TTC9: variants seen among roughly 807,000 people sequenced by gnomAD.
TTC9 encodes tetratricopeptide repeat protein 9A.
TTC9 carries 13 observed loss-of-function variants against 22.9 expected under a neutral mutation model. The observed-to-expected ratio is 0.57, with a 90% CI of 0.37 to 0.90. The LOEUF is 0.90. TTC9 is among the 40% of genes least tolerant of loss of function. The pLI is 0.01. For missense variants in TTC9, 280 were observed against 291.8 expected (o/e 0.96, Z 0.29); for synonymous variants, 148 against 133.2 (o/e 1.11, Z -0.77).
chr14:70,642,656 A>C, intron 1 of TTC9, 121 bp downstream of exon 1: 2 of 971,848 alleles, frequency 2.1e-6, no homozygotes, highest in Non-Finnish European at 2.9e-6. Flanking sequence ...TCTGGGGAGA[A>C]CCCGGGAGGG....
intron 1 of TTC9, among the ~76,000 whole-genome samples, chr14:70,651,214 T>C (rs1885980588): frequency 6.6e-6 from 1 of 152,252 alleles, no homozygotes; most frequent in South Asian, 2.1e-4. Context: ...ACTCCCAGCC[T>C]CAAGTGATCC....
rs575770780 is a variant in TTC9 at position 70,651,046 on chromosome 14, T to C, written c.406+8511T>C. On this transcript the variant is annotated intron_variant, in intron 1 of 2. Coordinates refer to ENST00000256367, the MANE Select transcript of TTC9 (RefSeq NM_015351.2). ...CCAGGCTGGAGTGTAAGTAGCACGT[T>C]ATCAGCTCACTGCAACCTCTGCCAC... 5.8e-4 allele frequency among the ~76,000 whole-genome samples: 88 copies of C among 152,314 alleles called. 1 individual carries two copies. Among genetic ancestry groups the C allele is most frequent in the Middle Eastern group, 3.4e-3 (1 of 294 alleles).
chr14:70,661,827 G>A (rs1205238), intron 1 of TTC9, among the ~76,000 whole-genome samples: 143,198 of 152,252 alleles, frequency 0.94, 67,435 homozygotes, highest in Non-Finnish European at 0.97. Context: ...AATTCTTTTC[G>A]TAAGATCACA....
chr14:70,660,098 A>G (rs1466945481), intron 1 of TTC9, among the ~76,000 whole-genome samples: 1 of 152,228 alleles, frequency 6.6e-6, no homozygotes, highest in East Asian at 1.9e-4. Flanking sequence ...GTGCAGGGCC[A>G]TATTCTCTTG....
chr14:70,668,290 A>G (rs1886243160), intron 2 of TTC9, among the ~76,000 whole-genome samples: 2 of 152,194 alleles, frequency 1.3e-5, no homozygotes, highest in Admixed American at 1.3e-4. Flanking sequence ...CATTCCACAG[A>G]TATTTATTGA....
At chr14:70,655,323 G>GGCGGAGGTT (rs1886047531) in intron 1 of TTC9, among the ~76,000 whole-genome samples, 1 of 152,128 alleles carries the variant, frequency 6.6e-6, no homozygotes, top group Admixed American at 6.5e-5. Context: ...GAACCTGGGA[G>GGCGGAGGTT]GCGGAGGTTG....
intron 1 of TTC9, among the ~76,000 whole-genome samples, chr14:70,651,626 A>G (rs1885985936): frequency 6.6e-6 from 1 of 152,178 alleles, no homozygotes; most frequent in South Asian, 2.1e-4. Context: ...GCAGCATGGT[A>G]CCCCACAGAG....
rs752947816 is a variant in TTC9, at chr14:70,642,404, C to G, written c.275C>G (p.Pro92Arg). The change falls in exon 1 of 3, where the codon CCG becomes CGG. Residue 92 changes from proline (P) to arginine (R), a missense_variant. Pro to Arg is a moderately radical substitution (Grantham distance 103). This residue lies in a region of TTC9 where 165 missense variants were observed against 145.4 expected (regional missense o/e 1.14). Coordinates refer to ENST00000256367, the MANE Select transcript of TTC9 (RefSeq NM_015351.2). The part of the protein sequence containing the change: ...RALLELKGLL[P>R]PPGERERDSR... Reference sequence around the variant, plus strand: ...TTGCTGGAGCTGAAGGGGCTGCTGCCGCCCCCCGGGGAACGGGAGCGGGAC... The same window carrying G: ...TTGCTGGAGCTGAAGGGGCTGCTGCGGCCCCCCGGGGAACGGGAGCGGGAC... 2 of 1,599,586 alleles carry G rather than the reference C, an allele frequency of 1.3e-6. No homozygotes were observed. The highest frequency in any genetic ancestry group is 2.3e-5 in the South Asian group (2 of 88,838).
At chr14:70,655,576 T>C (rs1886053122) in intron 1 of TTC9, among the ~76,000 whole-genome samples, 1 of 152,108 alleles carries the variant, frequency 6.6e-6, no homozygotes, top group Non-Finnish European at 1.5e-5. Context: ...CCTTTCCCAG[T>C]GTATTTAGGA....
At chr14:70,659,518 G>GA (rs1222252280) in intron 1 of TTC9, among the ~76,000 whole-genome samples, 2 of 152,084 alleles carry the variant, frequency 1.3e-5, no homozygotes, top group African/African-American at 4.8e-5. Flanking sequence ...TAGAACTTAG[G>GA]AAAAAAAGCA....
chr14:70,654,312 C>T (rs147720244), intron 1 of TTC9, among the ~76,000 whole-genome samples: 3 of 152,000 alleles, frequency 2.0e-5, no homozygotes, highest in East Asian at 1.9e-4. Context: ...AGTTTCTGCC[C>T]GGGAGTGGTG....
chr14:70,645,326 A>G (rs1359946782), intron 1 of TTC9, among the ~76,000 whole-genome samples: 6 of 152,216 alleles, frequency 3.9e-5, no homozygotes, highest in African/African-American at 1.4e-4. Flanking sequence ...AAGAAAATAC[A>G]CAATTACCTC....
chr14:70,674,134 A>G lies in TTC9; in HGVS notation c.*2979A>G, dbSNP rs950309058. 2 of 152,148 alleles carry G rather than the reference A, an allele frequency of 1.3e-5. No homozygotes were observed. The highest frequency in any genetic ancestry group is 2.9e-5 in the Non-Finnish European group (2 of 68,038). 9.4% of individuals were successfully genotyped at this position (152,148 alleles called of 1,614,324 possible). On this transcript the variant is annotated 3_prime_UTR_variant, in exon 3 of 3. Transcript: ENST00000256367. ...CCTTCTCCTCATCCCTCCCCAAAAC[A>G]AGAACTGTGATTTAATTCCGTACGT...
intron 1 of TTC9, among the ~76,000 whole-genome samples, chr14:70,654,698 T>G (rs1385320525): frequency 6.6e-6 from 1 of 151,444 alleles, no homozygotes; most frequent in East Asian, 1.9e-4. Context: ...CAAATTAAAT[T>G]TAGCAGAGTT....
chr14:70,645,325 C>T (rs1295386777), intron 1 of TTC9, among the ~76,000 whole-genome samples: 1 of 152,100 alleles, frequency 6.6e-6, no homozygotes, highest in Non-Finnish European at 1.5e-5. Context: ...GAAGAAAATA[C>T]ACAATTACCT....
chr14:70,659,574 T>G (rs1190393222), intron 1 of TTC9, among the ~76,000 whole-genome samples: 1 of 152,166 alleles, frequency 6.6e-6, no homozygotes, highest in African/African-American at 2.4e-5. Flanking sequence ...TTTGTTTGCT[T>G]GTTTTTTGTT....
Position 70,642,094 on chromosome 14 carries a change from A to T in TTC9, c.-36A>T. On this transcript the variant is annotated 5_prime_UTR_variant, in exon 1 of 3. Coordinates refer to ENST00000256367, the MANE Select transcript of TTC9 (RefSeq NM_015351.2). ...CGGCGGCGGCGGCGGCGGCGGGCAG[A>T]TCGCGGCGCGCACCAGGCGCCGGGG... The T allele has an allele frequency of 9.4e-7, 1 of 1,060,400 alleles. No homozygotes were observed. Among genetic ancestry groups the T allele is most frequent in the Non-Finnish European group, 1.1e-6 (1 of 880,706 alleles). The allele number at this position is 1,060,400 out of a possible 1,614,324, so 65.7% of individuals were successfully genotyped here. A position where few individuals can be genotyped will look rare whatever the true frequency, so the allele number is the denominator to read the frequency against.
chr14:70,668,734 C>A (rs1400087048), intron 2 of TTC9, among the ~76,000 whole-genome samples: 1 of 151,710 alleles, frequency 6.6e-6, no homozygotes, highest in Non-Finnish European at 1.5e-5. Flanking sequence ...ACCTGTAATC[C>A]CAACTACTTG....
chr14:70,665,092 T>C (rs373563713), intron 1 of TTC9, among the ~76,000 whole-genome samples: 3 of 152,036 alleles, frequency 2.0e-5, no homozygotes, highest in African/African-American at 7.3e-5. Context: ...TCAAAAACTG[T>C]TATTTTATTT....
Sources: allele counts gnomAD v4.1 joint callset (sites outside exome capture counted in the v4.1 genomes callset), GRCh38; gene constraint gnomAD v4.1.1; regional missense constraint gnomAD v4.1.1; transcripts MANE v1.5; gene names NCBI Gene and HGNC (gene_info 2026-07-23, HGNC 2026-07-21).